Variants in CSMD1 observed in about 807,000 individuals in gnomAD.
CSMD1 encodes CUB and sushi domain-containing protein 1.
A neutral mutation model predicts 417.5 loss-of-function variants in CSMD1; 213 were observed. The observed-to-expected ratio is 0.51, with a 90% CI of 0.46 to 0.57. CSMD1 has a LOEUF of 0.57. CSMD1 is among the 20% of genes least tolerant of loss of function. CSMD1 has a pLI of 0.00. For missense variants in CSMD1, 6,923 were observed against 4,529.7 expected (o/e 1.53, Z -15.17); for synonymous variants, 2,862 against 1,736.8 (o/e 1.65, Z -16.11).
At chr8:3,210,071 T>A (rs994073718) in intron 30 of CSMD1, among the ~76,000 whole-genome samples, 1 of 152,232 alleles carries the variant, frequency 6.6e-6, no homozygotes, top group African/African-American at 2.4e-5. Context: ...TGCCCCAAAA[T>A]GCACCAACTG....
chr8:3,656,035 T>C (rs1333934591), intron 7 of CSMD1, among the ~76,000 whole-genome samples: 4 of 152,122 alleles, frequency 2.6e-5, no homozygotes, highest in Non-Finnish European at 5.9e-5. Flanking sequence ...GACATCTCTC[T>C]GGGGGAAATA....
chr8:3,657,760 G>T (rs1322108893), intron 7 of CSMD1, among the ~76,000 whole-genome samples: 3 of 151,982 alleles, frequency 2.0e-5, no homozygotes, highest in Non-Finnish European at 4.4e-5. Flanking sequence ...TGGGTTGATG[G>T]GCACAGCAAA....
intron 10 of CSMD1, among the ~76,000 whole-genome samples, chr8:3,504,416 C>G (rs535595714): frequency 3.2e-4 from 48 of 152,260 alleles, no homozygotes; most frequent in African/African-American, 1.1e-3. Flanking sequence ...TTCTGGGATT[C>G]AAGAATGCAG....
chr8:4,684,143 C>T (rs566910047), intron 1 of CSMD1, among the ~76,000 whole-genome samples: 4 of 152,160 alleles, frequency 2.6e-5, no homozygotes, highest in South Asian at 2.1e-4. Context: ...CATATACACA[C>T]GTCAATAGAC....
chr8:2,995,244 T>A (rs1563217081), intron 54 of CSMD1, among the ~76,000 whole-genome samples: 1 of 152,156 alleles, frequency 6.6e-6, no homozygotes, highest in African/African-American at 2.4e-5. Flanking sequence ...GCAAAAGGCA[T>A]GAACAGACAT....
chr8:4,927,087 C>CATTATTATTATT lies in CSMD1; in HGVS notation c.85+67233_85+67244dup, dbSNP rs142803606. On this transcript the variant is annotated intron_variant, in intron 1 of 69. Coordinates refer to ENST00000635120, the MANE Select transcript of CSMD1 (RefSeq NM_033225.6). The stretch of plus-strand genomic sequence containing the variant: ...AGGGCTGTGTTATTTGCTTTCAATG[C>CATTATTATTATT]ATTATTATTATTATTATTATTATTA... 1.3e-3 allele frequency among the ~76,000 whole-genome samples: 193 copies of CATTATTATTATT among 143,452 alleles called. 2 individuals carry two copies. The highest frequency in any genetic ancestry group is 5.5e-3 in the East Asian group (27 of 4,884). The allele number at this position is 143,452 out of a possible 152,430, so 94.1% of individuals were successfully genotyped here.
At chr8:4,908,513 G>C (rs1805451036) in intron 1 of CSMD1, among the ~76,000 whole-genome samples, 1 of 150,904 alleles carries the variant, frequency 6.6e-6, no homozygotes, top group Non-Finnish European at 1.5e-5. Flanking sequence ...CCATTCCATA[G>C]TTCTTGGATG....
intron 3 of CSMD1, among the ~76,000 whole-genome samples, chr8:4,194,048 A>G (rs1402585522): frequency 1.3e-5 from 2 of 152,158 alleles, no homozygotes; most frequent in African/African-American, 4.8e-5. Flanking sequence ...AATTATAGTA[A>G]CTTTCATATA....
Position 3,829,640 on chromosome 8 carries a change from G to T in CSMD1, c.819-75598C>A, listed in dbSNP as rs185248217. On this transcript the variant is annotated intron_variant, in intron 5 of 69. Coordinates refer to ENST00000635120, the MANE Select transcript of CSMD1 (RefSeq NM_033225.6). Reference sequence around the variant, plus strand: ...AAGAAAAAGATGTAGAATGAATTAAGAATTAGAGATGTTCTATGATGCAAA... The same window carrying T: ...AAGAAAAAGATGTAGAATGAATTAATAATTAGAGATGTTCTATGATGCAAA... Among the ~76,000 whole-genome samples the T allele has an allele frequency of 2.5e-3, 386 of 152,278 alleles. 1 individual carries two copies. Among genetic ancestry groups the T allele is most frequent in the Non-Finnish European group, 4.4e-3 (296 of 68,022 alleles).
intron 11 of CSMD1, among the ~76,000 whole-genome samples, chr8:3,483,040 A>C (rs1157617768): frequency 2.0e-5 from 3 of 152,174 alleles, no homozygotes; most frequent in Non-Finnish European, 2.9e-5. Flanking sequence ...GAATGAAAAA[A>C]ATTACTTAAG....
intron 2 of CSMD1, among the ~76,000 whole-genome samples, chr8:4,441,342 G>A (rs373360719): frequency 4.0e-5 from 6 of 148,488 alleles, no homozygotes; most frequent in East Asian, 4.0e-4. Context: ...TAAACAGCTG[G>A]CCCCAAGCAA....
At chr8:4,119,597 G>GA (rs1373184335) in intron 3 of CSMD1, among the ~76,000 whole-genome samples, 4 of 254 alleles carry the variant, frequency 0.016, no homozygotes, top group Admixed American at 0.056. Context: ...CTTCTATCTA[G>GA]GGAGGAGACC....
chr8:3,993,801 T>G (rs897064394), intron 5 of CSMD1, among the ~76,000 whole-genome samples: 3 of 152,254 alleles, frequency 2.0e-5, no homozygotes, highest in African/African-American at 4.8e-5. Flanking sequence ...ACAACCTGTT[T>G]GTTTCACTTG....
At chr8:4,709,180 C>G (rs1808135380) in intron 1 of CSMD1, among the ~76,000 whole-genome samples, 1 of 152,144 alleles carries the variant, frequency 6.6e-6, no homozygotes. Flanking sequence ...ATGCATAGCT[C>G]AGCTCACAAT....
intron 1 of CSMD1, among the ~76,000 whole-genome samples, chr8:4,778,390 C>T (rs1044783285): frequency 1.3e-5 from 2 of 152,096 alleles, no homozygotes; most frequent in African/African-American, 4.8e-5. Flanking sequence ...CTTCTCATTC[C>T]TTTCAATTTA....
intron 1 of CSMD1, among the ~76,000 whole-genome samples, chr8:4,976,141 C>G (rs140982785): frequency 2.1e-3 from 324 of 152,256 alleles, no homozygotes; most frequent in African/African-American, 7.3e-3. Flanking sequence ...GAAGAACAGA[C>G]ACTGGAGAAT....
At chr8:4,004,557 A>C (rs2688370) in intron 4 of CSMD1, among the ~76,000 whole-genome samples, 57,181 of 151,740 alleles carry the variant, frequency 0.38, 10,875 homozygotes, top group South Asian at 0.45. Context: ...TAGCAACCTA[A>C]TTTGGTATTA....
At chr8:4,823,615 G>A (rs528057158) in intron 1 of CSMD1, among the ~76,000 whole-genome samples, 1 of 151,552 alleles carries the variant, frequency 6.6e-6, no homozygotes, top group Non-Finnish European at 1.5e-5. Flanking sequence ...AACATACATC[G>A]ACCCCCTACT....
In CSMD1 at chr8:4,081,545, G is replaced by A. The variant is rs185627854; in HGVS notation, c.416-49446C>T. 2.1e-3 allele frequency among the ~76,000 whole-genome samples: 313 copies of A among 152,272 alleles called. 2 individuals carry two copies. The highest frequency in any genetic ancestry group is 6.9e-3 in the African/African-American group (285 of 41,552). ...CCCTACCAACCACCGGAAAGGAACC[G>A]AAGCTGTGCTCATGTTGACCTAGTT... On this transcript the variant is annotated intron_variant, in intron 3 of 69. Transcript: ENST00000635120.
Sources: gnomAD v4.1 joint callset for allele counts (sites outside exome capture counted in the v4.1 genomes callset) on GRCh38, gnomAD v4.1.1 for gene constraint, MANE v1.5 for transcripts, NCBI Gene and HGNC (gene_info 2026-07-23, HGNC 2026-07-21) for gene names.